USP36: variants seen among roughly 807,000 people sequenced by gnomAD.
The protein encoded by USP36 is ubiquitin specific peptidase 36.
A neutral mutation model predicts 111.5 loss-of-function variants in USP36; 59 were observed. The ratio of observed to expected loss-of-function variants is 0.53; its 90% CI spans 0.43 to 0.66. The LOEUF (loss-of-function observed/expected upper bound fraction) is 0.66, where lower values mean the gene tolerates loss of function less well. USP36 is among the 30% of genes least tolerant of loss of function. The pLI, the probability that USP36 is intolerant of heterozygous loss-of-function variation, is 0.00. For synonymous variants in USP36, 628 were observed against 581.0 expected (o/e 1.08, Z -1.16); for missense variants, 1,488 against 1,468.0 (o/e 1.01, Z -0.22).
intron 3 of USP36, among the ~76,000 whole-genome samples, chr17:78,789,846 C>T (rs953755410): frequency 2.6e-5 from 4 of 152,168 alleles, no homozygotes; most frequent in African/African-American, 4.8e-5. Flanking sequence ...AAAGGGGGTG[C>T]GGGTAGGGCT....
At chr17:78,831,242 AAAAAAAAAAAAGG>A (rs926080993) in intron 4 of USP36, among the ~76,000 whole-genome samples, 2 of 148,760 alleles carry the variant, frequency 1.3e-5, no homozygotes, top group African/African-American at 5.0e-5. Flanking sequence ...AAAAAAAAAA[AAAAAAAAAAAAGG>A]GACAACATAA....
At chr17:78,813,923 C>T (rs774277225) in intron 11 of USP36, 50 bp from the exon 12 acceptor site, 3 of 1,505,730 alleles carry the variant, frequency 2.0e-6, no homozygotes, top group Non-Finnish European at 2.8e-6. Flanking sequence ...ACAAGCATCC[C>T]ATTATCCTCA....
chr17:78,826,299 A>C (rs2067535949), intron 6 of USP36, among the ~76,000 whole-genome samples: 1 of 152,198 alleles, frequency 6.6e-6, no homozygotes, highest in Admixed American at 6.5e-5. Context: ...AGGCCAAGGC[A>C]GGCAGATCAC....
At chr17:78,788,864 A>C (rs551882361) in intron 3 of USP36, among the ~76,000 whole-genome samples, 22 of 152,154 alleles carry the variant, frequency 1.4e-4, no homozygotes, top group Non-Finnish European at 2.5e-4. Context: ...GACGGGAGGG[A>C]CACTGAGGAC....
chr17:78,805,390 G>C (rs191598285), intron 15 of USP36, among the ~76,000 whole-genome samples: 1 of 152,304 alleles, frequency 6.6e-6, no homozygotes, highest in East Asian at 1.9e-4. Flanking sequence ...ATATGTGAGA[G>C]GAGAGTAAGG....
chr17:78,829,614 A>G (rs928207080), intron 4 of USP36, among the ~76,000 whole-genome samples: 2 of 152,236 alleles, frequency 1.3e-5, no homozygotes, highest in Non-Finnish European at 2.9e-5. Flanking sequence ...GGAGGCAGCC[A>G]TAGACAATAT....
At position 78,803,148 on chromosome 17, in the gene USP36, G is replaced by A. The variant is rs2093798453; in HGVS notation, c.2810+237C>T. ...GAAAGGGCTTTTCCATATTGCCTAG[G>A]CTGGTCTCAAACTCCTGGGTTGAAG... On this transcript the variant is annotated intron_variant, in intron 16 of 20. Coordinates refer to ENST00000449938, the MANE Select transcript of USP36 (RefSeq NM_001385174.1). This position sits in a 1 kb window ranked among gnomAD's most constrained non-coding sequence, Gnocchi z 4.6. 6.6e-6 allele frequency among the ~76,000 whole-genome samples: 1 copy of A among 151,934 alleles called. No individual in the cohort carries two copies. The highest frequency in any genetic ancestry group is 2.4e-5 in the African/African-American group (1 of 41,338).
At chr17:78,807,752 C>G in intron 13 of USP36, 116 bp from the exon 14 acceptor site, 1 of 1,032,604 alleles carries the variant, frequency 9.7e-7, no homozygotes, top group Non-Finnish European at 1.3e-6. Flanking sequence ...TTAGCATGCT[C>G]AAGATAAATT....
chr17:78,838,240 G>C (rs1320102473), intron 2 of USP36, among the ~76,000 whole-genome samples: 1 of 151,968 alleles, frequency 6.6e-6, no homozygotes, highest in Non-Finnish European at 1.5e-5. Context: ...AGGCATGGTG[G>C]CAGGCGCCTG....
chr17:78,818,136 T>G (rs2094231113), intron 10 of USP36, among the ~76,000 whole-genome samples: 1 of 152,148 alleles, frequency 6.6e-6, no homozygotes, highest in Admixed American at 6.6e-5. Context: ...AAAGTAGTTT[T>G]TCTAAACTCC....
At chr17:78,810,010 C>A (rs2094010110) in intron 13 of USP36, among the ~76,000 whole-genome samples, 1 of 152,096 alleles carries the variant, frequency 6.6e-6, no homozygotes, top group Non-Finnish European at 1.5e-5. Context: ...CCATGCCCAG[C>A]TAACTTTTGT....
At chr17:78,835,585 T>G in intron 3 of USP36, 84 bp from the exon 4 acceptor site, 1 of 1,313,666 alleles carries the variant, frequency 7.6e-7, no homozygotes, top group Non-Finnish European at 1.1e-6. Context: ...TCCTGAAGCA[T>G]ACACTTAGCA....
intron 2 of USP36, among the ~76,000 whole-genome samples, chr17:78,836,812 CACACACAAACGG>C (rs2068725282): frequency 7.0e-6 from 1 of 143,410 alleles, no homozygotes; most frequent in Non-Finnish European, 1.5e-5. Context: ...CACACACACA[CACACACAAACGG>C]ACACACACAC....
Position 78,813,864 on chromosome 17 carries a change from C to A in USP36, c.1174G>T (p.Gly392Ter). 1 of 1,614,064 alleles carries A rather than the reference C, an allele frequency of 6.2e-7. No individual in the cohort carries two copies. Among genetic ancestry groups the A allele is most frequent in the Non-Finnish European group, 8.5e-7 (1 of 1,179,978 alleles). The change falls in exon 12 of 21, where the codon GGA becomes TGA. Residue 392 changes from glycine (G) to a stop codon, truncating the protein, a stop_gained. Transcript: ENST00000449938. LOFTEE classifies it high-confidence loss of function. Reference sequence around the variant, plus strand: ...GAATCATTCATCTGGTACCACTGTCCATTGCTTGCCTGAAGCAGCCAAGGA... The same window carrying A: ...GAATCATTCATCTGGTACCACTGTCAATTGCTTGCCTGAAGCAGCCAAGGA... Reference protein sequence around the residue: ...HYYCYVKASNGQWYQMNDSLV... With the variant: ...HYYCYVKASN
intron 13 of USP36, among the ~76,000 whole-genome samples, 163 bp downstream of exon 13, chr17:78,812,697 G>GAAAAAAAAAAA (rs572009070): frequency 7.0e-4 from 37 of 52,508 alleles, no homozygotes; most frequent in Non-Finnish European, 9.4e-4. Context: ...ACTCTGTCTC[G>GAAAAAAAAAAA]AAAAAAAAAA....
intron 18 of USP36, among the ~76,000 whole-genome samples, chr17:78,799,396 A>G (rs1166425006): frequency 3.3e-5 from 5 of 152,018 alleles, no homozygotes; most frequent in Non-Finnish European, 7.4e-5. Flanking sequence ...CCCCTTCCCT[A>G]CCCAAGACAC....
intron 3 of USP36, among the ~76,000 whole-genome samples, chr17:78,790,338 T>C (rs1402614415): frequency 6.6e-6 from 1 of 152,166 alleles, no homozygotes; most frequent in Non-Finnish European, 1.5e-5. Flanking sequence ...TCACCCAGGC[T>C]GGAGCACAAT....
rs2093637931 is a variant in USP36, at chr17:78,796,922, G to C, written c.*978C>G. ...CCTGTATTTATTAAGTTACAAGTTG[G>C]CAGGCACAGCTTGAGCAACATAGAA... On this transcript the variant is annotated 3_prime_UTR_variant, in exon 21 of 21. Transcript: ENST00000449938. 6.6e-6 allele frequency: 1 copy of C among 152,178 alleles called. No individual in the cohort carries two copies. Among genetic ancestry groups the C allele is most frequent in the Non-Finnish European group, 1.5e-5 (1 of 68,028 alleles). 9.4% of individuals were successfully genotyped at this position (152,178 alleles called of 1,614,324 possible).
downstream of USP36, among the ~76,000 whole-genome samples, chr17:78,791,295 C>A (rs543159589): frequency 6.6e-6 from 1 of 152,010 alleles, no homozygotes; most frequent in African/African-American, 2.4e-5. Flanking sequence ...CCACCATGCC[C>A]GGCTGATTTT....
Sources: gnomAD v4.1 joint callset for allele counts (sites outside exome capture counted in the v4.1 genomes callset) on GRCh38, gnomAD v4.1.1 for gene constraint, Gnocchi (gnomAD v3.1) non-coding constraint, MANE v1.5 for transcripts, NCBI Gene and HGNC (gene_info 2026-07-23, HGNC 2026-07-21) for gene names.